MYZAP: variants seen among roughly 807,000 people sequenced by gnomAD.
MYZAP encodes myocardial zonula adherens protein.
A neutral mutation model predicts 69.4 loss-of-function variants in MYZAP; 66 were observed. The observed-to-expected ratio is 0.95, with a 90% CI of 0.78 to 1.17. The LOEUF is 1.17. MYZAP is among the 50% of genes most tolerant of loss of function. The pLI is 0.00. For synonymous variants in MYZAP, 256 were observed against 205.9 expected (o/e 1.24, Z -2.09); for missense variants, 611 against 556.2 (o/e 1.10, Z -0.99).
chr15:57,659,273 G>C (rs1241748226), intron 10 of MYZAP, among the ~76,000 whole-genome samples: 1 of 152,018 alleles, frequency 6.6e-6, no homozygotes, highest in East Asian at 1.9e-4. Flanking sequence ...CCTGAAATGA[G>C]CCATTCCACC....
At chr15:57,640,200 G>A (rs1330933658) in intron 10 of MYZAP, among the ~76,000 whole-genome samples, 1 of 152,086 alleles carries the variant, frequency 6.6e-6, no homozygotes, top group Non-Finnish European at 1.5e-5. Flanking sequence ...ATTTCTCTAA[G>A]AGGAACAAAA....
At chr15:57,606,294 A>G (rs2087980) in intron 2 of MYZAP, among the ~76,000 whole-genome samples, 3,176 of 152,268 alleles carry the variant, frequency 0.021, 126 homozygotes, top group African/African-American at 0.073. Flanking sequence ...TAAGAGGTGC[A>G]CATCACATAT....
At position 57,647,120 on chromosome 15, in the gene MYZAP, G is replaced by A. The variant is rs544622656; in HGVS notation, c.1119+7575G>A. ...TCTCCACTCCTATCACTCCTTCATG[G>A]CAAAGCAGGCATGAAGCTGCTTTCT... On this transcript the variant is annotated intron_variant, in intron 10 of 12. Transcript: ENST00000267853. The A allele has an allele frequency of 9.1e-6, 9 of 985,360 alleles. No individual in the cohort carries two copies. In the African/African-American group the frequency reaches 1.2e-4, roughly 13 times the overall value. The allele number at this position is 985,360 out of a possible 1,614,324, so 61.0% of individuals were successfully genotyped here. A position where few individuals can be genotyped will look rare whatever the true frequency, so the allele number is the denominator to read the frequency against.
Position 57,628,770 on chromosome 15 carries a change from G to A in MYZAP, c.526-932G>A, listed in dbSNP as rs79559228. 9.9e-3 allele frequency among the ~76,000 whole-genome samples: 1,512 copies of A among 152,198 alleles called. 28 individuals are homozygous for A. Among genetic ancestry groups the A allele is most frequent in the African/African-American group, 0.034 (1,418 of 41,546 alleles). On this transcript the variant is annotated intron_variant, in intron 5 of 12. Transcript: ENST00000267853. ...CTATCCTGGCAGGCAGTCTAGAAGC[G>A]CAGAAGGGATAGCTCTTTTAAGAAA...
intron 1 of MYZAP, chr15:57,599,367 T>TTG: frequency 3.3e-5 from 27 of 829,524 alleles, no homozygotes; most frequent in Non-Finnish European, 4.0e-5. Flanking sequence ...TTTTTTTTTT[T>TTG]GCCATCGTCG....
chr15:57,649,931 T>C (rs528367610), intron 10 of MYZAP, among the ~76,000 whole-genome samples: 40 of 152,322 alleles, frequency 2.6e-4, no homozygotes, highest in African/African-American at 9.1e-4. Context: ...GTTACCTGTT[T>C]CCTTCCACTA....
intron 12 of MYZAP, among the ~76,000 whole-genome samples, chr15:57,683,883 C>G (rs1225542421): frequency 6.6e-6 from 1 of 152,086 alleles, no homozygotes; most frequent in African/African-American, 2.4e-5. Context: ...CAACCTCTGC[C>G]TCCCGGGTTC....
intron 10 of MYZAP, among the ~76,000 whole-genome samples, chr15:57,651,977 G>A (rs555916447): frequency 5.7e-4 from 86 of 152,182 alleles, no homozygotes; most frequent in African/African-American, 2.0e-3. Flanking sequence ...TCAGAACCCC[G>A]TTGCAACCGA....
rs769550734 is a variant in MYZAP, at chr15:57,618,069, C to G, written c.199C>G (p.Leu67Val). ...GAGCAATGGAGAACCTACCAGGAAA[C>G]TTCCTCAGGGTGTTGTTTATGGTGT... Reference protein sequence around the residue: ...DLSNGEPTRKLPQGVVYGVVR... With the variant: ...DLSNGEPTRKVPQGVVYGVVR... The change falls in exon 3 of 13, where the codon CTT becomes GTT. Residue 67 changes from leucine to valine, a missense_variant. Physicochemically the swap from Leu to Val is conservative, Grantham distance 32. Transcript: ENST00000267853. 1 of 1,614,084 alleles carries G rather than the reference C, an allele frequency of 6.2e-7. No individual in the cohort carries two copies. Among genetic ancestry groups the G allele is most frequent in the Admixed American group, 1.7e-5 (1 of 60,010 alleles).
chr15:57,596,633 C>T (rs956785332), intron 1 of MYZAP, among the ~76,000 whole-genome samples: 1 of 152,198 alleles, frequency 6.6e-6, no homozygotes, highest in African/African-American at 2.4e-5. Flanking sequence ...TCGTCTGCTT[C>T]AAGAGCCTCC....
chr15:57,592,714 T>A (rs2033759758), intron 1 of MYZAP, among the ~76,000 whole-genome samples: 1 of 152,164 alleles, frequency 6.6e-6, no homozygotes, highest in Non-Finnish European at 1.5e-5. Context: ...GGACAGCATC[T>A]CCAGGGAAGG....
intron 1 of MYZAP, among the ~76,000 whole-genome samples, chr15:57,601,309 C>T (rs77166769): frequency 6.9e-6 from 1 of 144,426 alleles, no homozygotes; most frequent in Non-Finnish European, 1.5e-5. Context: ...TGATGTGGTG[C>T]AGGAGAAAAG....
At chr15:57,598,383 G>T (rs79875832) in intron 1 of MYZAP, among the ~76,000 whole-genome samples, 1 of 152,200 alleles carries the variant, frequency 6.6e-6, no homozygotes, top group Non-Finnish European at 1.5e-5. Flanking sequence ...ACTCCAGGGA[G>T]TTTCAGGTAT....
chr15:57,683,272 C>A (rs2039530021), intron 12 of MYZAP, among the ~76,000 whole-genome samples: 1 of 152,152 alleles, frequency 6.6e-6, no homozygotes, highest in Non-Finnish European at 1.5e-5. Flanking sequence ...ATTCCCTGAT[C>A]CCCTGCTACC....
At chr15:57,624,229 A>T (rs1316604056) in intron 4 of MYZAP, among the ~76,000 whole-genome samples, 1 of 152,250 alleles carries the variant, frequency 6.6e-6, no homozygotes, top group Non-Finnish European at 1.5e-5. Flanking sequence ...GTCCCTGTCT[A>T]TGTGACGTAC....
chr15:57,618,968 A>T (rs1361019991), intron 3 of MYZAP, among the ~76,000 whole-genome samples: 3 of 152,082 alleles, frequency 2.0e-5, no homozygotes, highest in Admixed American at 6.5e-5. Context: ...CAGGGAGTCA[A>T]CCTAGGCCTG....
intron 3 of MYZAP, among the ~76,000 whole-genome samples, chr15:57,619,336 C>T (rs2035670160): frequency 6.6e-6 from 1 of 152,186 alleles, no homozygotes; most frequent in African/African-American, 2.4e-5. Flanking sequence ...ACCTTTCAAA[C>T]ATAATTTTAA....
chr15:57,604,446 G>C (rs1260804813), intron 2 of MYZAP, 91 bp downstream of exon 2: 2 of 1,421,350 alleles, frequency 1.4e-6, no homozygotes, highest in African/African-American at 2.8e-5. Context: ...ATTCCCAGAG[G>C]CTGGGTGTCT....
intron 10 of MYZAP, among the ~76,000 whole-genome samples, chr15:57,650,075 T>C (rs1414327160): frequency 6.6e-6 from 1 of 152,202 alleles, no homozygotes; most frequent in Non-Finnish European, 1.5e-5. Context: ...CCATGTAGAA[T>C]TTATTTTTGT....
Sources: gnomAD v4.1 joint callset for allele counts (sites outside exome capture counted in the v4.1 genomes callset) on GRCh38, gnomAD v4.1.1 for gene constraint, MANE v1.5 for transcripts, NCBI Gene and HGNC (gene_info 2026-07-23, HGNC 2026-07-21) for gene names.